Variants in PRUNE2 observed in about 807,000 individuals in gnomAD.
PRUNE2 encodes protein prune homolog 2.
A neutral mutation model predicts 252.0 loss-of-function variants in PRUNE2; 164 were observed. The ratio of observed to expected loss-of-function variants is 0.65; its 90% CI spans 0.57 to 0.74. PRUNE2 has a LOEUF of 0.74. PRUNE2 is among the 30% of genes least tolerant of loss of function. The pLI is 0.00. For synonymous variants in PRUNE2, 1,292 were observed against 1,350.2 expected, an observed-to-expected ratio of 0.96 and a Z score of 0.94; for missense variants, 3,495 against 3,711.0, an observed-to-expected ratio of 0.94 and a Z score of 1.51.
intron 6 of PRUNE2, among the ~76,000 whole-genome samples, chr9:76,751,697 T>G (rs1013609450): frequency 2.0e-5 from 3 of 152,228 alleles, no homozygotes; most frequent in African/African-American, 7.2e-5. Flanking sequence ...AAAATACTAC[T>G]AGAAACTCTT....
At chr9:76,868,118 G>A (rs1288915515) in intron 1 of PRUNE2, among the ~76,000 whole-genome samples, 4 of 151,978 alleles carry the variant, frequency 2.6e-5, no homozygotes, top group African/African-American at 7.2e-5. Flanking sequence ...GGGTGTAGAC[G>A]AGATTTCTTT....
Position 76,708,920 on chromosome 9 carries a change from C to A in PRUNE2, c.3354G>T (p.Val1118=), listed in dbSNP as rs758418028. The change falls in exon 8 of 19, where the codon GTG becomes GTT. Residue 1118 remains valine, a synonymous_variant. Coordinates refer to ENST00000376718, the MANE Select transcript of PRUNE2 (RefSeq NM_015225.3). ...CAGTGGACTGAGTATCCTCCAAAAT[C>A]ACTCTGTTCCACAAGTCGAGACTGT... ...APDSLDLWNR[V]ILEDTQSTAT... is the part of the protein sequence containing the mutation. 3 of 1,613,900 alleles carry A rather than the reference C, an allele frequency of 1.9e-6. No individual in the cohort carries two copies. Among genetic ancestry groups the A allele is most frequent in the African/African-American group, 2.7e-5 (2 of 74,928 alleles).
chr9:76,800,536 T>A (rs1015488310), intron 6 of PRUNE2, among the ~76,000 whole-genome samples: 1 of 152,262 alleles, frequency 6.6e-6, no homozygotes, highest in African/African-American at 2.4e-5. Flanking sequence ...CAGATTAATT[T>A]TCCAACTCTT....
chr9:76,902,961 C>T (rs1342540388), intron 1 of PRUNE2, among the ~76,000 whole-genome samples: 1 of 152,166 alleles, frequency 6.6e-6, no homozygotes, highest in East Asian at 1.9e-4. Context: ...AGTAGTAGGG[C>T]CAGACTGGGA....
Position 76,710,711 on chromosome 9 carries a change from G to T in PRUNE2, c.1563C>A (p.Phe521Leu). 1 of 1,612,958 alleles carries T rather than the reference G, an allele frequency of 6.2e-7. No individual in the cohort carries two copies. ...CTTCTGACAGGTCACTGTTGGGGAA[G>T]AAGTCATCTGCTGGGGAGTAGTCTG... ...HSADYSPADDFFPNSDLSEGQ... is the reference protein window; with the variant it reads ...HSADYSPADDLFPNSDLSEGQ... Residue 521 changes from phenylalanine to leucine, a missense_variant, in exon 8 of 19, where the codon TTC (phenylalanine) becomes TTA (leucine). Coordinates refer to ENST00000376718, the MANE Select transcript of PRUNE2 (RefSeq NM_015225.3).
At chr9:76,795,966 AAAC>A (rs911889531) in intron 6 of PRUNE2, among the ~76,000 whole-genome samples, 2 of 152,220 alleles carry the variant, frequency 1.3e-5, no homozygotes, top group Non-Finnish European at 2.9e-5. Context: ...GACTACCGTA[AAAC>A]AACTGCAGAA....
intron 15 of PRUNE2, among the ~76,000 whole-genome samples, chr9:76,634,141 C>A (rs572372638): frequency 1.1e-4 from 17 of 152,044 alleles, no homozygotes; most frequent in Non-Finnish European, 2.4e-4. Flanking sequence ...AAAGTATCTA[C>A]TTCAGAGGAC....
intron 9 of PRUNE2, among the ~76,000 whole-genome samples, chr9:76,679,352 C>A (rs1448485306): frequency 1.3e-5 from 2 of 152,114 alleles, no homozygotes; most frequent in African/African-American, 4.8e-5. Context: ...ATAGGAAAAT[C>A]TATTCTAAAA....
At chr9:76,817,852 CCAT>C (rs1163779673) in intron 6 of PRUNE2, 2 of 152,240 alleles carry the variant, frequency 1.3e-5, no homozygotes, top group East Asian at 3.9e-4. Context: ...TAAGCACTCA[CCAT>C]CATCAACTTT....
chr9:76,681,851 G>T (rs1038747343), intron 9 of PRUNE2, among the ~76,000 whole-genome samples: 2 of 152,228 alleles, frequency 1.3e-5, no homozygotes, highest in African/African-American at 4.8e-5. Flanking sequence ...TCAGCTAGAG[G>T]TTATTAAAAA....
Position 76,855,082 on chromosome 9 carries a change from A to AAAATAT in PRUNE2, c.37-875_37-874insATATTT, listed in dbSNP as rs1490285240. On this transcript the variant is annotated intron_variant, in intron 1 of 18. Transcript: ENST00000376718. The stretch of plus-strand genomic sequence containing the variant: ...TCCATCTCAAAAAAAAAAAAAAAAA[A>AAAATAT]ATATATATATATATATATATAGTCA... Among the ~76,000 whole-genome samples, 26 of 109,406 alleles carry AAAATAT rather than the reference A, an allele frequency of 2.4e-4. 1 individual carries two copies. The highest frequency in any genetic ancestry group is 3.5e-4 in the Non-Finnish European group (20 of 57,484). 71.8% of individuals were successfully genotyped at this position (109,406 alleles called of 152,430 possible).
chr9:76,657,418 T>C (rs767524240), intron 9 of PRUNE2, among the ~76,000 whole-genome samples: 4 of 152,234 alleles, frequency 2.6e-5, no homozygotes, highest in Admixed American at 1.3e-4. Context: ...AAAATAAATA[T>C]GATGGTTTTA....
chr9:76,645,023 G>C, intron 11 of PRUNE2, 114 bp from the exon 12 acceptor site: 2 of 935,802 alleles, frequency 2.1e-6, no homozygotes, highest in African/African-American at 3.3e-5. Context: ...CCTTTGTTTT[G>C]TTTCATCCTG....
At chr9:76,641,478 A>G (rs572037768) in intron 12 of PRUNE2, among the ~76,000 whole-genome samples, 1 of 152,276 alleles carries the variant, frequency 6.6e-6, no homozygotes, top group African/African-American at 2.4e-5. Context: ...AAATCAGATA[A>G]TACTATAATT....
At chr9:76,783,131 CT>C (rs1020515586) in intron 6 of PRUNE2, among the ~76,000 whole-genome samples, 8 of 151,984 alleles carry the variant, frequency 5.3e-5, no homozygotes, top group Non-Finnish European at 4.4e-5. Context: ...CTGACTATGC[CT>C]TTTTTTGTTT....
intron 5 of PRUNE2, among the ~76,000 whole-genome samples, chr9:76,825,617 C>T (rs898852766): frequency 6.6e-6 from 1 of 152,192 alleles, no homozygotes; most frequent in Non-Finnish European, 1.5e-5. Context: ...CTTGCCTGGC[C>T]ACCTGCCTGC....
At chr9:76,843,040 C>A (rs74484761) in intron 4 of PRUNE2, among the ~76,000 whole-genome samples, 1 of 152,058 alleles carries the variant, frequency 6.6e-6, no homozygotes, top group Non-Finnish European at 1.5e-5. Flanking sequence ...CACTTATTGC[C>A]GCACTATTCA....
intron 4 of PRUNE2, among the ~76,000 whole-genome samples, chr9:76,832,217 G>A (rs2058709930): frequency 6.6e-6 from 1 of 152,036 alleles, no homozygotes; most frequent in Non-Finnish European, 1.5e-5. Context: ...GCAGGAAAAA[G>A]TATGCAAAAA....
chr9:76,861,865 C>A (rs899446546), intron 1 of PRUNE2, among the ~76,000 whole-genome samples: 3 of 151,564 alleles, frequency 2.0e-5, no homozygotes, highest in Non-Finnish European at 4.4e-5. Flanking sequence ...GAAGCAGCAC[C>A]ATTATTTTTC....
Sources: allele counts gnomAD v4.1 joint callset (sites outside exome capture counted in the v4.1 genomes callset), GRCh38; gene constraint gnomAD v4.1.1; transcripts MANE v1.5; gene names NCBI Gene and HGNC (gene_info 2026-07-23, HGNC 2026-07-21).